The following FGF14 variants were observed in gnomAD, a reference collection of about 807,000 sequenced individuals.
The protein encoded by FGF14 is fibroblast growth factor homologous factor 4.
A neutral mutation model predicts 25.5 loss-of-function variants in FGF14; 5 were observed. The ratio of observed to expected loss-of-function variants is 0.20; its 90% confidence interval spans 0.10 to 0.41. The LOEUF is 0.41. Ranked by LOEUF, FGF14 falls within the 10% of genes least tolerant of loss-of-function variation. The pLI is 1.00. For synonymous variants in FGF14, 138 were observed against 118.3 expected (o/e 1.17, Z -1.08); for missense variants, 222 against 320.1 (o/e 0.69, Z 2.34).
At chr13:102,284,639 G>C (rs1369885192) in intron 1 of FGF14, among the ~76,000 whole-genome samples, 4 of 151,906 alleles carry the variant, frequency 2.6e-5, no homozygotes, top group African/African-American at 9.7e-5. Context: ...ACAATTCTAT[G>C]CATTAAGTAC....
In FGF14 at chr13:102,149,341, G is replaced by T. The variant is rs9582555; in HGVS notation, c.208+252130C>A. Among the ~76,000 whole-genome samples, 420 of 152,216 alleles carry T rather than the reference G, an allele frequency of 2.8e-3. 4 individuals are homozygous for T. Among genetic ancestry groups the T allele is most frequent in the African/African-American group, 8.6e-3 (356 of 41,526 alleles). On this transcript the variant is annotated intron_variant, in intron 1 of 4. Transcript: ENST00000376131. ...TGTTACTTAAAAAAAGAAAGGTTAA[G>T]TAAGTTTAAGGAAGGATAAGATAAA...
chr13:102,391,734 G>A (rs1475426425), intron 1 of FGF14, among the ~76,000 whole-genome samples: 1 of 152,222 alleles, frequency 6.6e-6, no homozygotes, highest in Non-Finnish European at 1.5e-5. Flanking sequence ...GGAGGAAAGA[G>A]CATATTGTGT....
rs573504656 is a variant in FGF14 at position 102,214,285 on chromosome 13, T to C, written c.208+187186A>G. On this transcript the variant is annotated intron_variant, in intron 1 of 4. Transcript: ENST00000376131. The stretch of plus-strand genomic sequence containing the variant: ...TACTTTCAACCAAATGATGAAATGT[T>C]GTCATTTTTTAAAGTTCTGTTTATT... Among the ~76,000 whole-genome samples, 136 of 152,390 alleles carry C rather than the reference T, an allele frequency of 8.9e-4. 1 individual carries two copies. The highest frequency in any genetic ancestry group is 4.1e-3 in the South Asian group (20 of 4,830).
chr13:102,376,861 A>C (rs1373163286), intron 1 of FGF14, among the ~76,000 whole-genome samples: 1 of 152,198 alleles, frequency 6.6e-6, no homozygotes, highest in Non-Finnish European at 1.5e-5. Context: ...TTCCAATGAT[A>C]TTCCCAAGAA....
intron 1 of FGF14, among the ~76,000 whole-genome samples, chr13:102,378,848 A>G (rs770114324): frequency 2.0e-5 from 3 of 152,156 alleles, no homozygotes; most frequent in Non-Finnish European, 2.9e-5. Flanking sequence ...CTATCTAACA[A>G]TAATTGCAAA....
At chr13:101,758,470 C>T (rs2037798367) in intron 3 of FGF14, among the ~76,000 whole-genome samples, 1 of 152,186 alleles carries the variant, frequency 6.6e-6, no homozygotes, top group South Asian at 2.1e-4. Context: ...CAAATTCCTT[C>T]AGTGTGAGTA....
intron 3 of FGF14, among the ~76,000 whole-genome samples, chr13:101,733,130 T>C (rs1482019728): frequency 6.6e-6 from 1 of 152,206 alleles, no homozygotes; most frequent in Non-Finnish European, 1.5e-5. Flanking sequence ...AAAATATTTG[T>C]AGTTAACACT....
In FGF14 at chr13:102,151,900, T is replaced by G. The variant is rs563585469; in HGVS notation, c.208+249571A>C. Among the ~76,000 whole-genome samples, 11 of 152,324 alleles carry G rather than the reference T, an allele frequency of 7.2e-5. 1 individual carries two copies. Among genetic ancestry groups the G allele is most frequent in the African/African-American group, 2.6e-4 (11 of 41,578 alleles). ...ATTTATGTAACTCTATAGCTTGTAA[T>G]AACCTAGTATTTCATAAATGTTAGC... On this transcript the variant is annotated intron_variant, in intron 1 of 4. Transcript: ENST00000376131.
chr13:102,109,731 T>C (rs2045121427), intron 1 of FGF14, among the ~76,000 whole-genome samples: 1 of 152,104 alleles, frequency 6.6e-6, no homozygotes, highest in African/African-American at 2.4e-5. Flanking sequence ...GAGGTTCTCC[T>C]GCCTCAGCCT....
At chr13:102,253,542 G>A (rs1019214260) in intron 1 of FGF14, among the ~76,000 whole-genome samples, 1 of 152,130 alleles carries the variant, frequency 6.6e-6, no homozygotes, top group Non-Finnish European at 1.5e-5. Flanking sequence ...ATTTGTTTAA[G>A]TTCTTTGTAG....
At chr13:101,946,080 C>T (rs2035785399) in intron 1 of FGF14, among the ~76,000 whole-genome samples, 1 of 152,088 alleles carries the variant, frequency 6.6e-6, no homozygotes, top group African/African-American at 2.4e-5. Flanking sequence ...AATATCCATG[C>T]TAATCTTTTA....
At chr13:102,092,879 A>C (rs2044228925) in intron 1 of FGF14, among the ~76,000 whole-genome samples, 1 of 152,216 alleles carries the variant, frequency 6.6e-6, no homozygotes, top group Non-Finnish European at 1.5e-5. Context: ...AAAATCAATA[A>C]AAATGTTATA....
chr13:102,303,416 T>A (rs953464190), intron 1 of FGF14, among the ~76,000 whole-genome samples: 1 of 152,210 alleles, frequency 6.6e-6, no homozygotes, highest in African/African-American at 2.4e-5. Flanking sequence ...TTTGATCATT[T>A]TTTTCAGTTC....
At chr13:102,191,872 G>A (rs1346632094) in intron 1 of FGF14, among the ~76,000 whole-genome samples, 1 of 152,200 alleles carries the variant, frequency 6.6e-6, no homozygotes, top group Non-Finnish European at 1.5e-5. Context: ...GAATAGGCAT[G>A]AGATAGCCAT....
chr13:102,143,591 A>G (rs922161053), intron 1 of FGF14, among the ~76,000 whole-genome samples: 1 of 152,136 alleles, frequency 6.6e-6, no homozygotes, highest in Non-Finnish European at 1.5e-5. Flanking sequence ...TAAGAAATTG[A>G]CCTATTGAGT....
rs748725135 is a variant in FGF14, at chr13:102,084,328, G to C, written c.209-209032C>G. ...AACTCCATTTTGGTAAGATGTTTTG[G>C]TCTATTTTGGGTCACAGTCATATGC... On this transcript the variant is annotated intron_variant, in intron 1 of 4. Coordinates refer to the FGF14 transcript ENST00000376131. Among the ~76,000 whole-genome samples, 19 of 151,898 alleles carry C rather than the reference G, an allele frequency of 1.3e-4. 1 individual carries two copies. The highest frequency in any genetic ancestry group is 1.6e-4 in the Non-Finnish European group (11 of 68,000).
At chr13:101,759,864 G>C (rs1166507128) in intron 3 of FGF14, among the ~76,000 whole-genome samples, 2 of 152,136 alleles carry the variant, frequency 1.3e-5, no homozygotes, top group Non-Finnish European at 2.9e-5. Context: ...ATGGAATTTA[G>C]ATAAATGAAA....
chr13:101,816,772 A>C (rs2041868071), intron 3 of FGF14, among the ~76,000 whole-genome samples: 1 of 152,162 alleles, frequency 6.6e-6, no homozygotes. Flanking sequence ...AATATTATTC[A>C]TAATATTTAT....
intron 3 of FGF14, among the ~76,000 whole-genome samples, chr13:101,827,315 T>A (rs1218831274): frequency 6.6e-6 from 1 of 152,004 alleles, no homozygotes; most frequent in East Asian, 1.9e-4. Flanking sequence ...ACAAAATAGT[T>A]ACCAGAGGTA....
Sources: allele counts gnomAD v4.1 joint callset (sites outside exome capture counted in the v4.1 genomes callset), GRCh38; gene constraint gnomAD v4.1.1; transcripts MANE v1.5; gene names NCBI Gene and HGNC (gene_info 2026-07-23, HGNC 2026-07-21).